TMEM42: variants seen among roughly 807,000 people sequenced by gnomAD.
TMEM42 encodes the protein transmembrane protein 42.
A neutral mutation model predicts 14.0 loss-of-function variants in TMEM42; 8 were observed. That is an observed-to-expected ratio of 0.57 (90% CI 0.34 to 1.03). The LOEUF is 1.03. TMEM42 is among the 50% of genes least tolerant of loss of function. The pLI is 0.03. For missense variants in TMEM42, 211 were observed against 219.8 expected (o/e 0.96, Z 0.25); for synonymous variants, 115 against 94.3 (o/e 1.22, Z -1.27).
In TMEM42 at chr3:44,865,279, C is replaced by T; in HGVS notation, c.*99C>T. ...ATCCTAGGGCGATCCAGTTGTGCAGCCTTCTGACCATCAGCCAAGGGAAGC... is the reference window on the plus strand; with the variant it reads ...ATCCTAGGGCGATCCAGTTGTGCAGTCTTCTGACCATCAGCCAAGGGAAGC... On this transcript the variant is annotated 3_prime_UTR_variant, in exon 3 of 3. Transcript: ENST00000302392. 2 of 1,512,822 alleles carry T rather than the reference C, an allele frequency of 1.3e-6. No individual in the cohort carries two copies. The highest frequency in any genetic ancestry group is 1.8e-6 in the Non-Finnish European group (2 of 1,103,760). The allele number at this position is 1,512,822 out of a possible 1,614,324, so 93.7% of individuals were successfully genotyped here.
chr3:44,864,423 C>A, intron 2 of TMEM42, 80 bp downstream of exon 2: 1 of 1,570,688 alleles, frequency 6.4e-7, no homozygotes, highest in Non-Finnish European at 8.7e-7. Flanking sequence ...CCTCCTTTCC[C>A]AGACAGGAGA....
chr3:44,865,164 C>G lies in TMEM42; in HGVS notation c.464C>G (p.Pro155Arg). ...RKLPPTWKPL[P>R]HKQQ ...CTCCCACCCACCTGGAAGCCCCTTC[C>G]ACACAAGCAGCAGTAGCACCACTTG... The change falls in exon 3 of 3, where the codon CCA (proline) becomes CGA (arginine). Residue 155 changes from proline (P) to arginine (R), a missense_variant. Pro to Arg is a moderately radical substitution (Grantham distance 103, BLOSUM62 -2). Transcript: ENST00000302392. The G allele has an allele frequency of 6.2e-7, 1 of 1,614,194 alleles. No homozygotes were observed. The highest frequency in any genetic ancestry group is 8.5e-7 in the Non-Finnish European group (1 of 1,180,040).
At chr3:44,862,213 G>A (rs1699264154) in intron 1 of TMEM42, 97 bp downstream of exon 1, 2 of 714,136 alleles carry the variant, frequency 2.8e-6, no homozygotes, top group South Asian at 1.2e-4. Flanking sequence ...GGGGCTCTTG[G>A]GGTGGGGCGG....
Position 44,864,270 on chromosome 3 carries a change from G to T in TMEM42, c.266G>T (p.Ser89Ile). 2 of 1,614,206 alleles carry T rather than the reference G, an allele frequency of 1.2e-6. No homozygotes were observed. The highest frequency in any genetic ancestry group is 8.5e-7 in the Non-Finnish European group (1 of 1,180,040). ...STNSLMWTFF[S>I]RGLSFSMSSA... Reference sequence around the variant, plus strand: ...AATTCTCTGATGTGGACCTTCTTTAGCCGGGGCCTCAGTTTCTCCATGTCT... The same window carrying T: ...AATTCTCTGATGTGGACCTTCTTTATCCGGGGCCTCAGTTTCTCCATGTCT... Residue 89 changes from serine to isoleucine, a missense_variant, in exon 2 of 3, where the codon AGC (serine) becomes ATC (isoleucine). Transcript: ENST00000302392.
chr3:44,864,978 GGA>G, intron 2 of TMEM42, 60 bp from the exon 3 acceptor site: 1 of 1,602,780 alleles, frequency 6.2e-7, no homozygotes, highest in South Asian at 1.1e-5. Flanking sequence ...GTCAGTCCCA[GGA>G]GAGTGAGGTT....
At chr3:44,864,110 A>G in intron 1 of TMEM42, 87 bp from the exon 2 acceptor site, 2 of 1,563,768 alleles carry the variant, frequency 1.3e-6, no homozygotes, top group Non-Finnish European at 8.8e-7. Context: ...CCTGGGTGCC[A>G]GCAACCACAG....
Position 44,864,272 on chromosome 3 carries a change from C to A in TMEM42, c.268C>A (p.Arg90=), listed in dbSNP as rs563466758. The change falls in exon 2 of 3, where the codon CGG becomes AGG. Residue 90 remains arginine (R), a synonymous_variant. Transcript: ENST00000302392. The stretch of plus-strand genomic sequence containing the variant: ...TTCTCTGATGTGGACCTTCTTTAGC[C>A]GGGGCCTCAGTTTCTCCATGTCTTC... The part of the protein sequence containing the change: ...TNSLMWTFFS[R]GLSFSMSSAI... 1.2e-6 allele frequency: 2 copies of A among 1,614,158 alleles called. No individual in the cohort carries two copies. Among genetic ancestry groups the A allele is most frequent in the African/African-American group, 1.3e-5 (1 of 75,026 alleles).
At position 44,865,648 on chromosome 3, in the gene TMEM42, T is replaced by C. The variant is rs764743672; in HGVS notation, c.*468T>C. 6 of 159,936 alleles carry C rather than the reference T, an allele frequency of 3.8e-5. No individual in the cohort carries two copies. Among genetic ancestry groups the C allele is most frequent in the Non-Finnish European group, 6.9e-5 (5 of 72,156 alleles). The allele number at this position is 159,936 out of a possible 1,614,324, so 9.9% of individuals were successfully genotyped here. ...GAGGAAAACTGGATTAATAAATACG[T>C]TTTTTGTAAGTTAAAACTACCAGGT... On this transcript the variant is annotated 3_prime_UTR_variant, in exon 3 of 3. Transcript: ENST00000302392.
At chr3:44,864,044 G>C (rs1017218347) in intron 1 of TMEM42, 153 bp from the exon 2 acceptor site, 16 of 788,186 alleles carry the variant, frequency 2.0e-5, no homozygotes, top group Non-Finnish European at 2.9e-5. Context: ...GTTAAGTGAA[G>C]CCCTGTGCAG....
chr3:44,864,614 CTG>C (rs952397231), intron 2 of TMEM42, among the ~76,000 whole-genome samples: 1 of 152,194 alleles, frequency 6.6e-6, no homozygotes, highest in African/African-American at 2.4e-5. Context: ...TCTGAAGTCA[CTG>C]TGCATCCTAG....
Position 44,864,305 on chromosome 3 carries a change from G to A in TMEM42, c.301G>A (p.Ala101Thr), listed in dbSNP as rs916343580. The change falls in exon 2 of 3, where the codon GCA becomes ACA. Residue 101 changes from alanine (A) to threonine (T), a missense_variant. Transcript: ENST00000302392. ...CAGTTTCTCCATGTCTTCAGCCATT[G>A]CATCTGTCACAGTGACTTTTTCAAA... ...GLSFSMSSAI[A>T]SVTVTFSNIL... 3 of 1,614,192 alleles carry A rather than the reference G, an allele frequency of 1.9e-6. No individual in the cohort carries two copies. The highest frequency in any genetic ancestry group is 3.3e-5 in the Admixed American group (2 of 60,026).
intron 1 of TMEM42, chr3:44,862,628 C>T (rs908489603): frequency 6.6e-6 from 1 of 152,490 alleles, no homozygotes; most frequent in African/African-American, 2.4e-5. Context: ...GTTTGGGATA[C>T]TGTAGGCATA....
In TMEM42 at chr3:44,865,317, G is replaced by A; in HGVS notation, c.*137G>A. The A allele has an allele frequency of 8.4e-7, 1 of 1,188,280 alleles. No homozygotes were observed. Among genetic ancestry groups the A allele is most frequent in the Non-Finnish European group, 1.2e-6 (1 of 835,168 alleles). The allele number at this position is 1,188,280 out of a possible 1,614,324, so 73.6% of individuals were successfully genotyped here. ...AGCCAAGGGAAGCAGGCCTCTGATG[G>A]AGCAGGCTCTGGCTCTGTAAGGAGA... On this transcript the variant is annotated 3_prime_UTR_variant, in exon 3 of 3. Coordinates refer to ENST00000302392, the MANE Select transcript of TMEM42 (RefSeq NM_144638.3).
At chr3:44,864,120 G>A (rs1699293659) in intron 1 of TMEM42, 77 bp from the exon 2 acceptor site, 1 of 1,591,342 alleles carries the variant, frequency 6.3e-7, no homozygotes. Flanking sequence ...AGCAACCACA[G>A]TCCTGGGTGT....
chr3:44,861,970 G>A lies in TMEM42; in HGVS notation c.46G>A (p.Ala16Thr). 2 of 1,393,568 alleles carry A rather than the reference G, an allele frequency of 1.4e-6. No individual in the cohort carries two copies. The highest frequency in any genetic ancestry group is 3.5e-5 in the Admixed American group (1 of 28,436). The allele number at this position is 1,393,568 out of a possible 1,614,324, so 86.3% of individuals were successfully genotyped here. Residue 16 changes from alanine to threonine, a missense_variant, in exon 1 of 3, where the codon GCG becomes ACG. Ala to Thr is a moderately conservative substitution (Grantham distance 58, BLOSUM62 0). Coordinates refer to ENST00000302392, the MANE Select transcript of TMEM42 (RefSeq NM_144638.3). ...TCCGGGCGGCGCCGTGTCCGCGACC[G>A]CGTACCCTGACACCCCCGCGGAATT... ...GPPGGAVSAT[A>T]YPDTPAEFPP...
At position 44,864,220 on chromosome 3, in the gene TMEM42, A is replaced by C. The variant is rs779479684; in HGVS notation, c.216A>C (p.Leu72Phe). ...GSEVSMGLCV[L>F]GIIVMASTNS... ...AGGTGAGCATGGGTTTATGCGTCTT[A>C]GGCATTATTGTGATGGCGAGCACCA... Residue 72 changes from leucine to phenylalanine, a missense_variant, in exon 2 of 3, where the codon TTA becomes TTC. Transcript: ENST00000302392. The C allele has an allele frequency of 8.7e-6, 14 of 1,614,130 alleles. No individual in the cohort carries two copies. The South Asian group carries it at 1.4e-4, about 16-fold the overall frequency.
chr3:44,864,595 A>G (rs1699300426), intron 2 of TMEM42, among the ~76,000 whole-genome samples: 2 of 152,172 alleles, frequency 1.3e-5, no homozygotes, highest in South Asian at 4.1e-4. Context: ...TCCAGGGTGG[A>G]GCCCTCATTC....
intron 2 of TMEM42, 103 bp from the exon 3 acceptor site, chr3:44,864,937 A>G (rs1355136552): frequency 6.7e-7 from 1 of 1,497,150 alleles, no homozygotes; most frequent in Non-Finnish European, 9.1e-7. Flanking sequence ...TTCTGGCTCC[A>G]GACCTTTCCT....
At chr3:44,863,300 A>ACCGCC (rs1699280451) in intron 1 of TMEM42, 1 of 35,060 alleles carries the variant, frequency 2.9e-5, no homozygotes, top group Non-Finnish European at 5.8e-5. Flanking sequence ...TAGATTCCGC[A>ACCGCC]CCCCCCCCCC....
Sources: allele counts gnomAD v4.1 joint callset (sites outside exome capture counted in the v4.1 genomes callset), GRCh38; gene constraint gnomAD v4.1.1; transcripts MANE v1.5; gene names NCBI Gene and HGNC (gene_info 2026-07-23, HGNC 2026-07-21).